Variants in FBN2 observed in about 807,000 individuals in gnomAD.
FBN2 encodes the protein fibrillin-2.
Under a neutral mutation model 355.6 loss-of-function variants are expected in FBN2, and 105 were observed. The ratio of observed to expected loss-of-function variants is 0.30; its 90% confidence interval spans 0.25 to 0.35. The LOEUF (loss-of-function observed/expected upper bound fraction) is 0.35. Among genes scored for constraint, FBN2 ranks in the 10% least tolerant of loss-of-function variants. The pLI is 1.00. For missense variants in FBN2, 3,280 were observed against 3,758.7 expected (o/e 0.87, Z 3.33); for synonymous variants, 1,350 against 1,301.2 (o/e 1.04, Z -0.81).
At chr5:128,437,791 TA>T (rs1753809867) in intron 7 of FBN2, among the ~76,000 whole-genome samples, 1 of 141,936 alleles carries the variant, frequency 7.0e-6, no homozygotes, top group African/African-American at 3.1e-5. Flanking sequence ...GATAGATAGA[TA>T]GATAGATAGA....
chr5:128,457,438 AGGAAATACAGAG>A (rs1754423773), intron 6 of FBN2, among the ~76,000 whole-genome samples: 6 of 152,218 alleles, frequency 3.9e-5, no homozygotes, highest in Non-Finnish European at 5.9e-5. Context: ...AGGCAAATTC[AGGAAATACAGAG>A]AACACGATTA....
At chr5:128,292,352 GT>G (rs3838664) in intron 48 of FBN2, among the ~76,000 whole-genome samples, 87,342 of 151,630 alleles carry the variant, frequency 0.58, 25,473 homozygotes, top group Middle Eastern at 0.7. Flanking sequence ...ATTTTTCGTC[GT>G]TTTTTTTGTG....
At chr5:128,448,872 T>G (rs1387292985) in intron 6 of FBN2, among the ~76,000 whole-genome samples, 1 of 152,154 alleles carries the variant, frequency 6.6e-6, no homozygotes, top group Admixed American at 6.5e-5. Context: ...ATTTCAGTTT[T>G]AGACATTGAA....
intron 12 of FBN2, among the ~76,000 whole-genome samples, chr5:128,378,080 G>GA (rs375775820): frequency 7.4e-4 from 100 of 135,196 alleles, no homozygotes; most frequent in African/African-American, 1.9e-3. Flanking sequence ...AGTGGGAAAG[G>GA]AAAAAAAAAA....
chr5:128,332,988 G>C lies in FBN2; in HGVS notation c.4146C>G (p.Ala1382=). 1 of 1,609,942 alleles carries C rather than the reference G, an allele frequency of 6.2e-7. No homozygotes were observed. Among genetic ancestry groups the C allele is most frequent in the Non-Finnish European group, 8.5e-7 (1 of 1,176,260 alleles). The change falls in exon 32 of 65, where the codon GCC becomes GCG. Residue 1382 remains alanine (A), a synonymous_variant. Transcript: ENST00000262464. ...AGCTTCCTGGGATATTCAGACATGA[G>C]GCATGCATGTCGCAGTTATGAGCAC... ...EIGAHNCDMH[A]SCLNIPGSFK...
intron 34 of FBN2, among the ~76,000 whole-genome samples, chr5:128,322,084 G>A (rs2126877917): frequency 6.6e-6 from 1 of 152,088 alleles, no homozygotes; most frequent in East Asian, 1.9e-4. Flanking sequence ...CCTCATAAAT[G>A]TTTTCTTTTG....
chr5:128,294,617 T>C (rs1211511298), intron 48 of FBN2, among the ~76,000 whole-genome samples: 2 of 148,338 alleles, frequency 1.3e-5, no homozygotes, highest in African/African-American at 4.9e-5. Context: ...CATGTGTTTT[T>C]TGGCTGCATA....
intron 48 of FBN2, among the ~76,000 whole-genome samples, chr5:128,295,120 A>C (rs1159261271): frequency 1.2e-3 from 159 of 135,388 alleles, no homozygotes; most frequent in South Asian, 1.7e-3. Flanking sequence ...TGTTTTTCTC[A>C]GGTTTGTCAA....
chr5:128,414,414 G>A (rs1186390890), intron 7 of FBN2, among the ~76,000 whole-genome samples: 5 of 152,040 alleles, frequency 3.3e-5, no homozygotes, highest in African/African-American at 1.2e-4. Context: ...CTTTCACTTA[G>A]TTTATGTTTT....
chr5:128,431,945 T>C (rs1450409976), intron 7 of FBN2, among the ~76,000 whole-genome samples: 3 of 152,154 alleles, frequency 2.0e-5, no homozygotes, highest in Non-Finnish European at 4.4e-5. Context: ...TTAAGATTTT[T>C]GGACTGTAGT....
chr5:128,491,492 AG>A (rs1386056114), intron 5 of FBN2, among the ~76,000 whole-genome samples: 1 of 152,246 alleles, frequency 6.6e-6, no homozygotes, highest in Non-Finnish European at 1.5e-5. Context: ...TTGTCTACAC[AG>A]GAAGTGGAGC....
chr5:128,461,605 G>A (rs1754559036), intron 6 of FBN2, among the ~76,000 whole-genome samples: 1 of 152,080 alleles, frequency 6.6e-6, no homozygotes, highest in African/African-American at 2.4e-5. Context: ...CAACCCAAAT[G>A]GCCATCAATG....
intron 48 of FBN2, among the ~76,000 whole-genome samples, chr5:128,293,258 G>A (rs1167292418): frequency 6.6e-6 from 1 of 152,112 alleles, no homozygotes; most frequent in Admixed American, 6.5e-5. Context: ...TTGGGAGGCC[G>A]AGGCCAGTGG....
At chr5:128,366,278 T>A (rs1351000106) in intron 17 of FBN2, 99 bp downstream of exon 17, 4 of 606,000 alleles carry the variant, frequency 6.6e-6, no homozygotes, top group Non-Finnish European at 5.8e-6. Flanking sequence ...TTTATAATAC[T>A]ACATTTTCAT....
intron 7 of FBN2, among the ~76,000 whole-genome samples, chr5:128,434,392 G>GTATATATATATA (rs1554068943): frequency 1.8e-4 from 8 of 44,110 alleles, no homozygotes; most frequent in African/African-American, 1.7e-3. Context: ...TGAATAAAGT[G>GTATATATATATA]TGTATATATA....
chr5:128,323,800 C>T (rs1452427689), intron 34 of FBN2, among the ~76,000 whole-genome samples: 1 of 152,128 alleles, frequency 6.6e-6, no homozygotes, highest in Non-Finnish European at 1.5e-5. Flanking sequence ...ATGATGCTGG[C>T]CTCATAAAAT....
rs779455710 is a variant in FBN2, at chr5:128,361,790, C to A, written c.2487G>T (p.Thr829=). 1.2e-5 allele frequency: 20 copies of A among 1,613,906 alleles called. No homozygotes were observed. The highest frequency in any genetic ancestry group is 1.6e-5 in the Non-Finnish European group (19 of 1,179,938). ...LLCDNGLCRN[T]PGSYSCTCPP... ...GGCACGTACAGCTGTAACTTCCTGG[C>A]GTGTTTCGGCACAATCCGTTATCAC... Residue 829 remains threonine, a synonymous_variant, in exon 19 of 65, where the codon ACG becomes ACT. Transcript: ENST00000262464.
chr5:128,312,265 T>A (rs561052095), intron 37 of FBN2, among the ~76,000 whole-genome samples: 19 of 152,208 alleles, frequency 1.2e-4, no homozygotes, highest in Admixed American at 9.8e-4. Context: ...ATCAGATGTT[T>A]CAATTTAAGG....
At chr5:128,338,860 C>T (rs529110137) in intron 26 of FBN2, 73 bp downstream of exon 26, 1 of 1,528,602 alleles carries the variant, frequency 6.5e-7, no homozygotes, top group East Asian at 2.3e-5. Context: ...CAGAGATAAG[C>T]AAAGGTCATG....
Sources: allele counts gnomAD v4.1 joint callset (sites outside exome capture counted in the v4.1 genomes callset), GRCh38; gene constraint gnomAD v4.1.1; transcripts MANE v1.5; gene names NCBI Gene and HGNC (gene_info 2026-07-23, HGNC 2026-07-21).